Variants in PLXNA4 observed in about 807,000 individuals in gnomAD.
The protein encoded by PLXNA4 is plexin-A4.
PLXNA4 carries 44 observed loss-of-function variants against 191.8 expected under a neutral mutation model. That is an observed-to-expected ratio of 0.23 (90% confidence interval 0.18 to 0.29). PLXNA4 has a LOEUF of 0.29. PLXNA4 is among the 10% of genes least tolerant of loss of function. The probability of loss-of-function intolerance (pLI) is 1.00; values close to 1 mark genes in which losing one functional copy is unlikely to be tolerated. For synonymous variants in PLXNA4, 1,082 were observed against 1,009.5 expected, an observed-to-expected ratio of 1.07 and a Z score of -1.36; for missense variants, 1,800 against 2,488.8, an observed-to-expected ratio of 0.72 and a Z score of 5.89.
At chr7:132,594,611 C>T (rs1369883838) in intron 2 of PLXNA4, among the ~76,000 whole-genome samples, 1 of 152,208 alleles carries the variant, frequency 6.6e-6, no homozygotes, top group Non-Finnish European at 1.5e-5. Flanking sequence ...ACTTTGAAAA[C>T]CATGGTGTGA....
chr7:132,148,561 G>A lies in PLXNA4; in HGVS notation c.4746C>T (p.Asn1582=). Residue 1582 remains asparagine (N), a synonymous_variant, in exon 26 of 32, where the codon AAC becomes AAT. Transcript: ENST00000321063. ...CCCTCACCTGGTAGTGGGCCAGTGTGTTCAGTCGCTTCCAATCATTCTCAA... is the reference window on the plus strand; with the variant it reads ...CCCTCACCTGGTAGTGGGCCAGTGTATTCAGTCGCTTCCAATCATTCTCAA... The part of the protein sequence containing the change: ...TKIENDWKRL[N]TLAHYQVPDG... 6.2e-6 allele frequency: 10 copies of A among 1,614,146 alleles called. No homozygotes were observed. The highest frequency in any genetic ancestry group is 8.5e-6 in the Non-Finnish European group (10 of 1,180,018).
chr7:132,137,300 G>A (rs943630426), intron 30 of PLXNA4, among the ~76,000 whole-genome samples: 1 of 152,190 alleles, frequency 6.6e-6, no homozygotes, highest in African/African-American at 2.4e-5. Flanking sequence ...CCTGTGGCCT[G>A]CTGTGACTCC....
intron 16 of PLXNA4, 132 bp downstream of exon 16, chr7:132,185,167 T>A: frequency 7.7e-7 from 1 of 1,305,716 alleles, no homozygotes; most frequent in South Asian, 1.6e-5. Flanking sequence ...GATTTGGGGG[T>A]GTTTGGAATC....
intron 18 of PLXNA4, among the ~76,000 whole-genome samples, chr7:132,181,072 G>A (rs372123812): frequency 3.9e-5 from 6 of 152,278 alleles, no homozygotes; most frequent in African/African-American, 1.2e-4. Context: ...CCTATGCTGT[G>A]GTTCGCACAA....
At chr7:132,359,860 A>T (rs937904389) in intron 3 of PLXNA4, among the ~76,000 whole-genome samples, 2 of 152,222 alleles carry the variant, frequency 1.3e-5, no homozygotes, top group African/African-American at 4.8e-5. Context: ...ATTTACAGGG[A>T]GCGGGGAAGT....
intron 2 of PLXNA4, among the ~76,000 whole-genome samples, chr7:132,612,318 G>A (rs1803064905): frequency 6.6e-6 from 1 of 152,158 alleles, no homozygotes; most frequent in Non-Finnish European, 1.5e-5. Context: ...ATGTGATGTA[G>A]CACCTGGCAG....
At chr7:132,562,353 C>CCTCCTCCTCCTCTGCCTCCTCCTCCTT (rs1379616602) in intron 1 of PLXNA4, among the ~76,000 whole-genome samples, 1 of 106,754 alleles carries the variant, frequency 9.4e-6, no homozygotes, top group Non-Finnish European at 2.1e-5. Flanking sequence ...TCTTCTCCTT[C>CCTCCTCCTCCTCTGCCTCCTCCTCCTT]CTCCTCCTCC....
chr7:132,171,721 T>C (rs1011445448), intron 21 of PLXNA4, among the ~76,000 whole-genome samples: 1 of 152,040 alleles, frequency 6.6e-6, no homozygotes. Context: ...CCACCTACAG[T>C]GAAATAGCAT....
At chr7:132,456,719 G>A (rs1327604141) in intron 3 of PLXNA4, among the ~76,000 whole-genome samples, 1 of 152,114 alleles carries the variant, frequency 6.6e-6, no homozygotes. Flanking sequence ...GAGGGGAGGA[G>A]GGCTGGGGAG....
chr7:132,176,892 G>A (rs895199670), intron 20 of PLXNA4, among the ~76,000 whole-genome samples: 2 of 152,036 alleles, frequency 1.3e-5, no homozygotes, highest in African/African-American at 4.8e-5. Context: ...GCGTCTATGT[G>A]TGCACGCATG....
rs1803094666 is a variant in PLXNA4 at position 132,613,592 on chromosome 7, G to T, written c.-87+32336C>A. On this transcript the variant is annotated intron_variant, in intron 2 of 4. Transcript: ENST00000378539. ...TGGGGGTGAGACAGTGTGCTCCTGT[G>T]GTGTGTCAGTGAGTGGGCGACGGGG... Among the ~76,000 whole-genome samples, 4 of 152,128 alleles carry T rather than the reference G, an allele frequency of 2.6e-5. 1 individual carries two copies. Among genetic ancestry groups the T allele is most frequent in the Admixed American group, 1.3e-4 (2 of 15,270 alleles).
At chr7:132,633,304 G>GA (rs34248965) in intron 2 of PLXNA4, among the ~76,000 whole-genome samples, 16,226 of 141,564 alleles carry the variant, frequency 0.11, 990 homozygotes, top group Non-Finnish European at 0.13. Context: ...TTTTTTTTAA[G>GA]ACGGAGTCTC....
chr7:132,263,550 A>G (rs908350290), intron 4 of PLXNA4, among the ~76,000 whole-genome samples: 1 of 152,230 alleles, frequency 6.6e-6, no homozygotes, highest in African/African-American at 2.4e-5. Context: ...TCTGGTTTGG[A>G]AGCTTTACCC....
chr7:132,236,485 G>A (rs1208833578), intron 5 of PLXNA4, among the ~76,000 whole-genome samples: 1 of 152,098 alleles, frequency 6.6e-6, no homozygotes, highest in Non-Finnish European at 1.5e-5. Flanking sequence ...GCTTGTTGAG[G>A]CCACTTAGCA....
intron 3 of PLXNA4, among the ~76,000 whole-genome samples, chr7:132,410,139 G>A (rs1336854417): frequency 1.3e-5 from 2 of 152,198 alleles, no homozygotes. Context: ...AAAGTTGGGG[G>A]ATGGCAACAG....
chr7:132,294,212 G>A (rs62465029), intron 4 of PLXNA4, among the ~76,000 whole-genome samples: 15,715 of 152,220 alleles, frequency 0.1, 1,013 homozygotes, highest in Non-Finnish European at 0.13. Context: ...CTCAGGGGAC[G>A]CAGATACCTG....
At chr7:132,401,789 T>C (rs757859156) in intron 3 of PLXNA4, among the ~76,000 whole-genome samples, 2 of 152,188 alleles carry the variant, frequency 1.3e-5, no homozygotes, top group Non-Finnish European at 2.9e-5. Flanking sequence ...TCTATCCCTG[T>C]GCTTAGACGA....
chr7:132,405,691 T>G (rs1794191328), intron 3 of PLXNA4, among the ~76,000 whole-genome samples: 1 of 152,178 alleles, frequency 6.6e-6, no homozygotes, highest in Non-Finnish European at 1.5e-5. Context: ...TATTTCTGGT[T>G]TTCACTACAC....
At chr7:132,525,070 C>T (rs998849951) in intron 1 of PLXNA4, among the ~76,000 whole-genome samples, 2 of 152,144 alleles carry the variant, frequency 1.3e-5, no homozygotes, top group Non-Finnish European at 2.9e-5. Flanking sequence ...ACCAACTCTC[C>T]ATCCCCTCAC....
Sources: allele counts gnomAD v4.1 joint callset (sites outside exome capture counted in the v4.1 genomes callset), GRCh38; gene constraint gnomAD v4.1.1; transcripts MANE v1.5; gene names NCBI Gene and HGNC (gene_info 2026-07-23, HGNC 2026-07-21).